The following CDH18 variants were observed in gnomAD, a reference collection of about 807,000 sequenced individuals.
CDH18 encodes cadherin 18.
A neutral mutation model predicts 67.9 loss-of-function variants in CDH18; 31 were observed. That is an observed-to-expected ratio of 0.46 (90% CI 0.34 to 0.62). CDH18 has a LOEUF of 0.62. Ranked by LOEUF, CDH18 falls within the 20% of genes least tolerant of loss-of-function variation. CDH18 has a pLI of 0.01. For synonymous variants in CDH18, 362 were observed against 347.2 expected (o/e 1.04, Z -0.48); for missense variants, 890 against 975.5 (o/e 0.91, Z 1.17).
chr5:20,348,859 A>G (rs774995565), intron 1 of CDH18, among the ~76,000 whole-genome samples: 3 of 152,138 alleles, frequency 2.0e-5, no homozygotes, highest in Non-Finnish European at 2.9e-5. Context: ...TCAAAAAACT[A>G]AACAAAAACT....
intron 11 of CDH18, among the ~76,000 whole-genome samples, chr5:19,486,331 A>T (rs1329242244): frequency 6.6e-6 from 1 of 151,192 alleles, no homozygotes; most frequent in Non-Finnish European, 1.5e-5. Flanking sequence ...ATATATACAC[A>T]CATACATATA....
intron 2 of CDH18, among the ~76,000 whole-genome samples, chr5:19,936,095 A>C (rs572012315): frequency 6.6e-5 from 10 of 151,428 alleles, no homozygotes; most frequent in Admixed American, 2.6e-4. Flanking sequence ...TGAGGCTTTA[A>C]GTTTTAATAA....
At chr5:20,317,430 C>A (rs1430173712) in intron 1 of CDH18, among the ~76,000 whole-genome samples, 3 of 152,002 alleles carry the variant, frequency 2.0e-5, no homozygotes, top group Non-Finnish European at 4.4e-5. Context: ...GTTATTATTT[C>A]TTTGCTCTGG....
At chr5:20,200,305 T>A (rs1365617189) in intron 2 of CDH18, among the ~76,000 whole-genome samples, 1 of 152,168 alleles carries the variant, frequency 6.6e-6, no homozygotes, top group East Asian at 1.9e-4. Context: ...AATTGCTGGG[T>A]CTTTTGCTTA....
Position 19,810,671 on chromosome 5 carries a change from T to C in CDH18, c.228+28088A>G, listed in dbSNP as rs554236049. Among the ~76,000 whole-genome samples, 5 of 152,208 alleles carry C rather than the reference T, an allele frequency of 3.3e-5. No individual in the cohort carries two copies. In the East Asian group the frequency reaches 9.7e-4, roughly 29 times the overall value. ...ATTTTTCTAATTAGGTGTAAAAATCTTAATCAATTAAAAAGTACTGATATT... is the reference window on the plus strand; with the variant it reads ...ATTTTTCTAATTAGGTGTAAAAATCCTAATCAATTAAAAAGTACTGATATT... On this transcript the variant is annotated intron_variant, in intron 3 of 12. Transcript: ENST00000382275.
In CDH18 at chr5:20,172,242, A is replaced by ATATATATGTATATATATATATATATGTG. The variant is rs1561848887; in HGVS notation, c.-518+83201_-518+83202insCACATATATATATATATATACATATATA. ...TATATATGTATATATATATATATGT[A>ATATATATGTATATATATATATATATGTG]TATATATATATATATCTCCTCTCTG... On this transcript the variant is annotated intron_variant, in intron 2 of 14. Coordinates refer to the CDH18 transcript ENST00000507958. Among the ~76,000 whole-genome samples, 112 of 56,674 alleles carry ATATATATGTATATATATATATATATGTG rather than the reference A, an allele frequency of 2.0e-3. 10 individuals carry two copies. The highest frequency in any genetic ancestry group is 3.1e-3 in the Non-Finnish European group (85 of 27,644). The allele number at this position is 56,674 out of a possible 152,430, so 37.2% of individuals were successfully genotyped here. A position where few individuals can be genotyped will look rare whatever the true frequency, so the allele number is the denominator to read the frequency against.
intron 1 of CDH18, among the ~76,000 whole-genome samples, chr5:20,537,976 G>C (rs1353562387): frequency 1.3e-5 from 2 of 152,100 alleles, no homozygotes; most frequent in Non-Finnish European, 2.9e-5. Flanking sequence ...ACAGAGCGTA[G>C]AATTAATCTT....
Position 19,714,205 on chromosome 5 carries a change from A to C in CDH18, c.643+7142T>G, listed in dbSNP as rs556686966. Among the ~76,000 whole-genome samples the C allele has an allele frequency of 6.8e-4, 103 of 152,230 alleles. 2 individuals are homozygous for C. In the South Asian group the frequency reaches 0.021, roughly 30 times the overall value. On this transcript the variant is annotated intron_variant, in intron 5 of 12. Coordinates refer to ENST00000382275, the MANE Select transcript of CDH18 (RefSeq NM_004934.5). The stretch of plus-strand genomic sequence containing the variant: ...ATTGGCACCTTTATAAAGATTTCCA[A>C]ATTTTCCTAAAATACCTCAGTGGCC...
At chr5:19,824,998 C>T (rs1780257480) in intron 3 of CDH18, among the ~76,000 whole-genome samples, 1 of 152,164 alleles carries the variant, frequency 6.6e-6, no homozygotes, top group South Asian at 2.1e-4. Context: ...ACCTTTTGAC[C>T]TAGTGGTTTT....
intron 2 of CDH18, among the ~76,000 whole-genome samples, chr5:19,948,272 C>G (rs1333890895): frequency 1.3e-5 from 2 of 151,832 alleles, no homozygotes; most frequent in East Asian, 1.9e-4. Context: ...AGTATTTATC[C>G]CTGAGAGATG....
intron 5 of CDH18, among the ~76,000 whole-genome samples, chr5:19,677,495 CCAAA>C (rs747316227): frequency 2.8e-4 from 42 of 152,056 alleles, no homozygotes; most frequent in Non-Finnish European, 5.4e-4. Context: ...TATAAAGCAA[CCAAA>C]CAATCAAGTC....
At chr5:20,300,522 A>G (rs896770425) in intron 1 of CDH18, among the ~76,000 whole-genome samples, 10 of 152,066 alleles carry the variant, frequency 6.6e-5, no homozygotes, top group African/African-American at 2.4e-4. Context: ...CTTTCAAGAT[A>G]CTACTGTTCA....
intron 11 of CDH18, chr5:19,502,558 A>C (rs1385930838): frequency 3.5e-6 from 1 of 289,804 alleles, no homozygotes; most frequent in South Asian, 1.2e-4. Flanking sequence ...AACAAGAGGA[A>C]ATATAATTTG....
intron 5 of CDH18, among the ~76,000 whole-genome samples, chr5:19,652,706 C>T (rs1040697156): frequency 6.6e-6 from 1 of 151,978 alleles, no homozygotes; most frequent in Non-Finnish European, 1.5e-5. Context: ...ACTCTGAATT[C>T]TCAAAACACC....
intron 2 of CDH18, among the ~76,000 whole-genome samples, chr5:19,994,260 CACATATATGTAT>C (rs1561694973): frequency 1.4e-5 from 2 of 147,484 alleles, no homozygotes; most frequent in African/African-American, 4.9e-5. Context: ...CACATATATA[CACATATATGTAT>C]ACATATATAC....
intron 6 of CDH18, among the ~76,000 whole-genome samples, chr5:19,592,839 T>A (rs572950182): frequency 3.3e-5 from 5 of 152,122 alleles, no homozygotes; most frequent in African/African-American, 9.6e-5. Flanking sequence ...CCTTCCCTAG[T>A]CCCTGGTAAC....
chr5:19,513,904 T>C (rs2126849039), intron 10 of CDH18, among the ~76,000 whole-genome samples: 1 of 152,218 alleles, frequency 6.6e-6, no homozygotes, highest in East Asian at 1.9e-4. Flanking sequence ...CATGCAGGTT[T>C]GTTACATATG....
intron 5 of CDH18, among the ~76,000 whole-genome samples, chr5:19,676,671 T>A (rs1363275374): frequency 6.6e-6 from 1 of 151,896 alleles, no homozygotes; most frequent in African/African-American, 2.4e-5. Flanking sequence ...TGACCTTCTG[T>A]CAGCAATCCA....
At chr5:20,283,465 A>G (rs2126708710) in intron 1 of CDH18, among the ~76,000 whole-genome samples, 1 of 152,208 alleles carries the variant, frequency 6.6e-6, no homozygotes. Flanking sequence ...ATCTCAAAAG[A>G]AGACACACAA....
Sources: gnomAD v4.1 joint callset for allele counts (sites outside exome capture counted in the v4.1 genomes callset) on GRCh38, gnomAD v4.1.1 for gene constraint, MANE v1.5 for transcripts, NCBI Gene and HGNC (gene_info 2026-07-23, HGNC 2026-07-21) for gene names.